The following SKAP1 variants were observed in gnomAD, a reference collection of about 807,000 sequenced individuals.
SKAP1 encodes src kinase associated phosphoprotein 1.
SKAP1 carries 44 observed loss-of-function variants against 58.5 expected under a neutral mutation model. That is an observed-to-expected ratio of 0.75 (90% CI 0.59 to 0.97). SKAP1 has a LOEUF of 0.97. Among genes scored for constraint, SKAP1 ranks in the 50% least tolerant of loss-of-function variants. The probability of loss-of-function intolerance (pLI) is 0.00; values close to 1 mark genes in which losing one functional copy is unlikely to be tolerated. For missense variants in SKAP1, 390 were observed against 435.2 expected, an observed-to-expected ratio of 0.90 and a Z score of 0.92; for synonymous variants, 127 against 149.7, an observed-to-expected ratio of 0.85 and a Z score of 1.11.
At chr17:48,428,842 C>A (rs1471286656) in intron 1 of SKAP1, among the ~76,000 whole-genome samples, 4 of 152,098 alleles carry the variant, frequency 2.6e-5, no homozygotes, top group African/African-American at 7.2e-5. Context: ...TTTTACCCTG[C>A]AAATAGTTTT....
chr17:48,361,336 G>T (rs1281896401), intron 3 of SKAP1, among the ~76,000 whole-genome samples: 3 of 151,588 alleles, frequency 2.0e-5, no homozygotes, highest in Non-Finnish European at 4.4e-5. Flanking sequence ...CTCCCAAGTG[G>T]CTGGGACTAC....
chr17:48,287,435 A>G (rs1567853489), intron 4 of SKAP1, among the ~76,000 whole-genome samples: 1 of 152,138 alleles, frequency 6.6e-6, no homozygotes, highest in Admixed American at 6.5e-5. Flanking sequence ...AGTGTACACA[A>G]AATATTAAAC....
rs186659555 is a variant in SKAP1, at chr17:48,217,539, C to T, written c.281-28039G>A. Among the ~76,000 whole-genome samples the T allele has an allele frequency of 1.3e-3, 192 of 152,072 alleles. 2 individuals carry two copies. The highest frequency in any genetic ancestry group is 4.6e-3 in the African/African-American group (189 of 41,470). On this transcript the variant is annotated intron_variant, in intron 4 of 12. Coordinates refer to ENST00000336915, the MANE Select transcript of SKAP1 (RefSeq NM_003726.4). ...GTGTGCACCTGTAGTCCCAGCTGCT[C>T]GGGAGGCTGAGGTGAGAGGATAGCT...
At chr17:48,343,346 G>A (rs1553752) in intron 4 of SKAP1, among the ~76,000 whole-genome samples, 50,797 of 152,048 alleles carry the variant, frequency 0.33, 9,182 homozygotes, top group African/African-American at 0.47. Flanking sequence ...TAATTTCACA[G>A]GAAATGTATG....
At chr17:48,258,429 G>C (rs982936979) in intron 4 of SKAP1, among the ~76,000 whole-genome samples, 6 of 152,122 alleles carry the variant, frequency 3.9e-5, no homozygotes, top group African/African-American at 1.4e-4. Context: ...CAAGCACACA[G>C]TTTATCTCAG....
chr17:48,375,790 GTTTC>G (rs71366863), intron 2 of SKAP1, among the ~76,000 whole-genome samples: 4,458 of 152,198 alleles, frequency 0.029, 240 homozygotes, highest in African/African-American at 0.1. Context: ...TGAAAGGTCT[GTTTC>G]TTTGTTTGTT....
chr17:48,151,175 C>G (rs1239155374), intron 11 of SKAP1, among the ~76,000 whole-genome samples: 1 of 151,868 alleles, frequency 6.6e-6, no homozygotes, highest in Non-Finnish European at 1.5e-5. Flanking sequence ...TAGAATCTGC[C>G]ATTTCATAAA....
chr17:48,239,842 GAGAGAGAC>G (rs1188021999), intron 4 of SKAP1, among the ~76,000 whole-genome samples: 4 of 98,416 alleles, frequency 4.1e-5, no homozygotes, highest in Non-Finnish European at 9.3e-5. Context: ...GAGAGAGAGA[GAGAGAGAC>G]AGAGAGAGAG....
At chr17:48,270,282 TACAC>T (rs1161486651) in intron 4 of SKAP1, among the ~76,000 whole-genome samples, 1 of 152,186 alleles carries the variant, frequency 6.6e-6, no homozygotes, top group Non-Finnish European at 1.5e-5. Flanking sequence ...TGCTCACACA[TACAC>T]ACCTAATTTT....
At chr17:48,180,571 A>C (rs1286331606) in intron 8 of SKAP1, among the ~76,000 whole-genome samples, 1 of 152,158 alleles carries the variant, frequency 6.6e-6, no homozygotes, top group Non-Finnish European at 1.5e-5. Context: ...CAGAAGAGGA[A>C]AAGCCAGTGT....
intron 9 of SKAP1, 110 bp from the exon 10 acceptor site, chr17:48,170,769 G>T: frequency 3.2e-6 from 3 of 948,946 alleles, no homozygotes; most frequent in Non-Finnish European, 4.8e-6. Flanking sequence ...AAGTGCAGTG[G>T]AACGATTTTC....
At position 48,170,458 on chromosome 17, in the gene SKAP1, A is replaced by C. The variant is rs2064193219; in HGVS notation, c.877+151T>G. On this transcript the variant is annotated intron_variant, in intron 10 of 12. Transcript: ENST00000336915. ...TTAAAGTTTAGGTATTTCCCTACCC[A>C]GTCACTTTATTTAGGGCTTTGGGGT... The C allele has an allele frequency of 1.9e-5, 13 of 679,598 alleles. 1 individual carries two copies. The Admixed American group carries it at 3.2e-4, about 17-fold the overall frequency. 42.1% of individuals were successfully genotyped at this position (679,598 alleles called of 1,614,324 possible). A position where few individuals can be genotyped will look rare whatever the true frequency, so the allele number is the denominator to read the frequency against.
At chr17:48,228,855 C>T (rs958757701) in intron 4 of SKAP1, among the ~76,000 whole-genome samples, 3 of 152,116 alleles carry the variant, frequency 2.0e-5, no homozygotes, top group African/African-American at 7.2e-5. Context: ...CAGAGCTGGG[C>T]TAAAGGAGCT....
rs146884250 is a variant in SKAP1 at position 48,279,251 on chromosome 17, C to G, written c.280+66654G>C. ...AAAAAAAAAGAGAAGATCCTCAGGG[C>G]GCTGGTAGAAGTGCAAAGGTCTTGT... On this transcript the variant is annotated intron_variant, in intron 4 of 12. Transcript: ENST00000336915. Among the ~76,000 whole-genome samples, 503 of 152,190 alleles carry G rather than the reference C, an allele frequency of 3.3e-3. 3 individuals are homozygous for G. The highest frequency in any genetic ancestry group is 0.012 in the African/African-American group (485 of 41,506).
At chr17:48,182,540 C>CA in intron 7 of SKAP1, 83 bp from the exon 8 acceptor site, 1 of 919,900 alleles carries the variant, frequency 1.1e-6, no homozygotes, top group Non-Finnish European at 1.7e-6. Context: ...GGGGAGGAAC[C>CA]ACTGAGTTTC....
At chr17:48,282,044 T>C (rs8073710) in intron 4 of SKAP1, among the ~76,000 whole-genome samples, 76,976 of 151,932 alleles carry the variant, frequency 0.51, 20,411 homozygotes, top group African/African-American at 0.65. Context: ...ATAAGAATGG[T>C]AAAGAAAACA....
At chr17:48,309,461 A>C (rs1239925964) in intron 4 of SKAP1, among the ~76,000 whole-genome samples, 1 of 152,192 alleles carries the variant, frequency 6.6e-6, no homozygotes, top group East Asian at 1.9e-4. Flanking sequence ...AATATCCTTA[A>C]CTTAAGGTGG....
chr17:48,349,908 C>A (rs1191352052), intron 3 of SKAP1, among the ~76,000 whole-genome samples: 1 of 152,118 alleles, frequency 6.6e-6, no homozygotes, highest in Admixed American at 6.5e-5. Context: ...CCCCTTAATT[C>A]TGAAACAATA....
At chr17:48,317,595 TAAATA>T (rs2144206763) in intron 4 of SKAP1, among the ~76,000 whole-genome samples, 1 of 152,334 alleles carries the variant, frequency 6.6e-6, no homozygotes, top group African/African-American at 2.4e-5. Context: ...TACCAAAAGT[TAAATA>T]AAACTTGAAA....
Sources: allele counts gnomAD v4.1 joint callset (sites outside exome capture counted in the v4.1 genomes callset), GRCh38; gene constraint gnomAD v4.1.1; transcripts MANE v1.5; gene names NCBI Gene and HGNC (gene_info 2026-07-23, HGNC 2026-07-21).